Variants in LSAMP observed in about 807,000 individuals in gnomAD.
LSAMP encodes the protein limbic system associated membrane protein, also known as limbic system-associated membrane protein.
Under a neutral mutation model 38.6 loss-of-function variants are expected in LSAMP, and 7 were observed. The observed-to-expected ratio is 0.18, with a 90% confidence interval of 0.10 to 0.34. LSAMP has a LOEUF of 0.34. Among genes scored for constraint, LSAMP ranks in the 10% least tolerant of loss-of-function variants. LSAMP has a pLI of 1.00. For synonymous variants in LSAMP, 154 were observed against 166.8 expected (o/e 0.92, Z 0.59); for missense variants, 313 against 420.0 (o/e 0.75, Z 2.23).
At chr3:115,879,647 C>G (rs1936272519) in intron 3 of LSAMP, among the ~76,000 whole-genome samples, 1 of 152,102 alleles carries the variant, frequency 6.6e-6, no homozygotes, top group Non-Finnish European at 1.5e-5. Context: ...CAGGGGCTCA[C>G]AGTTGAGTGA....
intron 1 of LSAMP, among the ~76,000 whole-genome samples, chr3:116,317,522 A>AT (rs1395259105): frequency 5.9e-5 from 9 of 151,696 alleles, no homozygotes; most frequent in East Asian, 2.0e-4. Context: ...CGTCTGGCTA[A>AT]TTTTTTGTAT....
intron 1 of LSAMP, among the ~76,000 whole-genome samples, chr3:116,317,963 C>T (rs1011529870): frequency 4.9e-4 from 74 of 151,322 alleles, no homozygotes; most frequent in African/African-American, 1.6e-3. Flanking sequence ...TGGTGAAACC[C>T]TATCTCTACT....
At chr3:116,438,089 C>G (rs1222597143) in intron 1 of LSAMP, among the ~76,000 whole-genome samples, 1 of 148,250 alleles carries the variant, frequency 6.7e-6, no homozygotes, top group African/African-American at 2.5e-5. Flanking sequence ...TCTACTTGCC[C>G]TGCACTCCTG....
At chr3:116,178,940 C>G (rs1228312323) in intron 1 of LSAMP, among the ~76,000 whole-genome samples, 5 of 151,866 alleles carry the variant, frequency 3.3e-5, no homozygotes, top group African/African-American at 7.3e-5. Flanking sequence ...GGGATTTTAT[C>G]AAATTGGGTT....
At chr3:116,287,889 A>G (rs1386309566) in intron 1 of LSAMP, among the ~76,000 whole-genome samples, 1 of 152,194 alleles carries the variant, frequency 6.6e-6, no homozygotes, top group Non-Finnish European at 1.5e-5. Context: ...AGAACACTGC[A>G]CAAGCCTCAG....
At chr3:116,047,628 C>T (rs373388349) in intron 2 of LSAMP, among the ~76,000 whole-genome samples, 4 of 152,146 alleles carry the variant, frequency 2.6e-5, no homozygotes, top group Non-Finnish European at 4.4e-5. Flanking sequence ...GACTTCAAGA[C>T]CCTGCCCCTA....
At chr3:115,992,694 C>T (rs909636784) in intron 3 of LSAMP, among the ~76,000 whole-genome samples, 5 of 151,612 alleles carry the variant, frequency 3.3e-5, no homozygotes, top group South Asian at 4.2e-4. Flanking sequence ...CAGATAATGT[C>T]GATACAGTTC....
intron 3 of LSAMP, among the ~76,000 whole-genome samples, chr3:115,957,957 G>A (rs911830592): frequency 4.6e-5 from 7 of 152,052 alleles, no homozygotes; most frequent in African/African-American, 1.7e-4. Flanking sequence ...GAGTAAGAGA[G>A]GTGGAAGGTT....
intron 1 of LSAMP, among the ~76,000 whole-genome samples, chr3:116,156,320 C>CA (rs1709746583): frequency 6.6e-6 from 1 of 152,218 alleles, no homozygotes; most frequent in African/African-American, 2.4e-5. Flanking sequence ...GAGTAAAATG[C>CA]AGAAAGTCAC....
intron 3 of LSAMP, among the ~76,000 whole-genome samples, chr3:115,854,286 T>TATTATTATTATTA (rs1559851939): frequency 8.6e-6 from 1 of 116,532 alleles, no homozygotes; most frequent in Non-Finnish European, 1.8e-5. Context: ...ATTATTATTT[T>TATTATTATTATTA]TTTTTTTTTT....
intron 2 of LSAMP, among the ~76,000 whole-genome samples, chr3:116,079,440 C>T (rs747928163): frequency 3.3e-5 from 5 of 152,104 alleles, no homozygotes; most frequent in East Asian, 3.9e-4. Context: ...AGGCAGATCA[C>T]GAGGTCAGTA....
intron 1 of LSAMP, among the ~76,000 whole-genome samples, chr3:116,384,734 C>G (rs2107805382): frequency 6.6e-6 from 1 of 152,078 alleles, no homozygotes; most frequent in African/African-American, 2.4e-5. Context: ...TTTTCCTTTT[C>G]TTGCATATCA....
intron 2 of LSAMP, among the ~76,000 whole-genome samples, chr3:116,028,783 A>G (rs1240681988): frequency 6.6e-6 from 1 of 152,052 alleles, no homozygotes; most frequent in African/African-American, 2.4e-5. Context: ...ATTTTTGCAG[A>G]CTCCATGATT....
At chr3:115,868,491 T>G (rs1935924222) in intron 3 of LSAMP, among the ~76,000 whole-genome samples, 1 of 152,116 alleles carries the variant, frequency 6.6e-6, no homozygotes, top group Admixed American at 6.6e-5. Context: ...TGTGTGTGTA[T>G]GTGGGATGGG....
chr3:116,045,560 A>AAG (rs1553762940), intron 2 of LSAMP, among the ~76,000 whole-genome samples: 3 of 151,354 alleles, frequency 2.0e-5, no homozygotes, highest in African/African-American at 7.3e-5. Context: ...AAAAAAAAAA[A>AAG]AAGCCTAAAA....
rs148400468 is a variant in LSAMP, at chr3:115,940,505, G to A, written c.514+79010C>T. 8.7e-3 allele frequency among the ~76,000 whole-genome samples: 1,320 copies of A among 152,260 alleles called. 17 individuals are homozygous for A. Among genetic ancestry groups the A allele is most frequent in the Middle Eastern group, 0.082 (24 of 292 alleles). ...ACAAAAGTTCTCCAAGTCCCCACCC[G>A]ACCCAGAAGCTCAGCTGGCTTCACC... is the stretch of plus-strand genomic sequence containing the variant. On this transcript the variant is annotated intron_variant, in intron 3 of 6. Coordinates refer to ENST00000490035, the MANE Select transcript of LSAMP (RefSeq NM_002338.5).
chr3:115,836,566 G>A (rs190639380), intron 6 of LSAMP, among the ~76,000 whole-genome samples: 1 of 152,262 alleles, frequency 6.6e-6, no homozygotes, highest in Non-Finnish European at 1.5e-5. Context: ...GAACTATAAG[G>A]TTGGCCCTAT....
intron 2 of LSAMP, among the ~76,000 whole-genome samples, chr3:116,040,752 C>CT (rs907804122): frequency 3.3e-5 from 5 of 151,896 alleles, no homozygotes; most frequent in Non-Finnish European, 7.4e-5. Flanking sequence ...CTCTTTCTTC[C>CT]TTTTTTTTCT....
chr3:116,015,685 T>C (rs1422601856), intron 3 of LSAMP, among the ~76,000 whole-genome samples: 1 of 152,156 alleles, frequency 6.6e-6, no homozygotes, highest in African/African-American at 2.4e-5. Flanking sequence ...ATTCTTCTAA[T>C]TTACCTTAAG....
Sources: allele counts gnomAD v4.1 joint callset (sites outside exome capture counted in the v4.1 genomes callset), GRCh38; gene constraint gnomAD v4.1.1; transcripts MANE v1.5; gene names NCBI Gene and HGNC (gene_info 2026-07-23, HGNC 2026-07-21).